The following TTC28 variants were observed in gnomAD, a reference collection of about 807,000 sequenced individuals.
TTC28 encodes tetratricopeptide repeat domain 28, also known as tetratricopeptide repeat protein 28.
Under a neutral mutation model 198.0 loss-of-function variants are expected in TTC28, and 61 were observed. The ratio of observed to expected loss-of-function variants is 0.31; its 90% CI spans 0.25 to 0.38. TTC28 has a LOEUF of 0.38. Ranked by LOEUF, TTC28 falls within the 10% of genes least tolerant of loss-of-function variation. TTC28 has a pLI of 1.00. For synonymous variants in TTC28, 1,171 were observed against 1,297.8 expected (o/e 0.90, Z 2.10); for missense variants, 2,678 against 3,164.0 (o/e 0.85, Z 3.69).
chr22:28,508,586 A>G (rs1297430512), intron 2 of TTC28, among the ~76,000 whole-genome samples: 1 of 152,146 alleles, frequency 6.6e-6, no homozygotes, highest in Admixed American at 6.6e-5. Flanking sequence ...TGCCCAGCCC[A>G]CAAAACACAC....
chr22:28,365,281 G>A (rs544878461), intron 2 of TTC28, among the ~76,000 whole-genome samples: 2 of 152,170 alleles, frequency 1.3e-5, no homozygotes, highest in Admixed American at 1.3e-4. Flanking sequence ...ACATTACAGT[G>A]TAAACATAAC....
intron 2 of TTC28, among the ~76,000 whole-genome samples, chr22:28,368,631 T>C (rs2046283763): frequency 6.6e-6 from 1 of 152,062 alleles, no homozygotes; most frequent in Non-Finnish European, 1.5e-5. Flanking sequence ...TGATATGATC[T>C]TATGTTTGGA....
intron 2 of TTC28, among the ~76,000 whole-genome samples, chr22:28,454,964 C>T (rs1402706364): frequency 1.3e-5 from 2 of 152,132 alleles, no homozygotes; most frequent in East Asian, 3.9e-4. Context: ...GCTTTTTCTT[C>T]GTATTTCAAA....
intron 2 of TTC28, among the ~76,000 whole-genome samples, chr22:28,340,328 T>C (rs182932630): frequency 1.3e-3 from 195 of 152,234 alleles, no homozygotes; most frequent in African/African-American, 4.3e-3. Context: ...TAATTATTTA[T>C]AGAGTGGGTA....
At chr22:28,594,844 C>T (rs1164882466) in intron 2 of TTC28, among the ~76,000 whole-genome samples, 2 of 152,166 alleles carry the variant, frequency 1.3e-5, no homozygotes, top group Admixed American at 6.5e-5. Flanking sequence ...TGTTAAATTG[C>T]CACTAATCAC....
chr22:28,603,536 T>C (rs34323251), intron 2 of TTC28, among the ~76,000 whole-genome samples: 209 of 152,246 alleles, frequency 1.4e-3, no homozygotes, highest in Non-Finnish European at 2.2e-3. Flanking sequence ...TACAGCTACA[T>C]GCCACCATAC....
At chr22:28,175,733 C>A (rs1450359709) in intron 5 of TTC28, among the ~76,000 whole-genome samples, 4 of 149,116 alleles carry the variant, frequency 2.7e-5, no homozygotes, top group Non-Finnish European at 5.9e-5. Flanking sequence ...AACTCTGTCT[C>A]AAAAAAAAAT....
At chr22:28,062,656 T>C (rs953181476) in intron 12 of TTC28, among the ~76,000 whole-genome samples, 1 of 152,060 alleles carries the variant, frequency 6.6e-6, no homozygotes, top group African/African-American at 2.4e-5. Flanking sequence ...TTTCTATTGA[T>C]CTATAAGTTC....
chr22:28,394,585 A>G (rs1456409375), intron 2 of TTC28, among the ~76,000 whole-genome samples: 1 of 152,198 alleles, frequency 6.6e-6, no homozygotes, highest in African/African-American at 2.4e-5. Flanking sequence ...CTAATCTGCA[A>G]CAACATCCGT....
At chr22:28,238,539 T>C (rs959321640) in intron 5 of TTC28, among the ~76,000 whole-genome samples, 1 of 152,190 alleles carries the variant, frequency 6.6e-6, no homozygotes, top group East Asian at 1.9e-4. Flanking sequence ...ATCATCTGTG[T>C]CATTTACTTG....
At chr22:28,337,481 C>T (rs955398132) in intron 2 of TTC28, among the ~76,000 whole-genome samples, 6 of 152,112 alleles carry the variant, frequency 3.9e-5, no homozygotes, top group African/African-American at 1.4e-4. Context: ...GTCTAAGTCT[C>T]TTTGTAGGTC....
Position 28,163,196 on chromosome 22 carries a change from C to T in TTC28, c.1337G>A (p.Cys446Tyr), listed in dbSNP as rs375337469. The T allele has an allele frequency of 6.2e-5, 96 of 1,551,656 alleles. No homozygotes were observed. Among genetic ancestry groups the T allele is most frequent in the Non-Finnish European group, 7.2e-5 (83 of 1,147,020 alleles). ...TTTAGCTCTCTCCAAATCCTGCATGCACCTGGCAGCATGGCCTAGTCCAGC... is the reference window on the plus strand; with the variant it reads ...TTTAGCTCTCTCCAAATCCTGCATGTACCTGGCAGCATGGCCTAGTCCAGC... ...AYAGLGHAARCMQDLERAKQY... is the reference protein window; with the variant it reads ...AYAGLGHAARYMQDLERAKQY... The change falls in exon 6 of 23, where the codon TGC becomes TAC. Residue 446 changes from cysteine (C) to tyrosine (Y), a missense_variant. This residue lies in a region of TTC28 where 775 missense variants were observed against 845.9 expected (regional missense o/e 0.92). Coordinates refer to ENST00000397906, the MANE Select transcript of TTC28 (RefSeq NM_001145418.2).
intron 2 of TTC28, among the ~76,000 whole-genome samples, chr22:28,428,493 A>G (rs572192251): frequency 6.6e-6 from 1 of 151,962 alleles, no homozygotes; most frequent in African/African-American, 2.4e-5. Context: ...ATTGTACTGT[A>G]TTGCAATAAT....
chr22:28,016,391 C>G (rs963711597), intron 13 of TTC28, among the ~76,000 whole-genome samples: 1 of 152,236 alleles, frequency 6.6e-6, no homozygotes, highest in East Asian at 1.9e-4. Flanking sequence ...GTGTCTGTCA[C>G]GGCACTGTTG....
intron 21 of TTC28, chr22:27,985,639 C>T (rs912806064): frequency 6.6e-6 from 2 of 302,030 alleles, no homozygotes; most frequent in Non-Finnish European, 1.3e-5. Flanking sequence ...CACTATGGAC[C>T]AGAACTCAGT....
intron 2 of TTC28, among the ~76,000 whole-genome samples, chr22:28,375,911 GACTT>G (rs1444722141): frequency 3.9e-5 from 6 of 152,164 alleles, no homozygotes; most frequent in Admixed American, 1.3e-4. Flanking sequence ...GGAATTCCAG[GACTT>G]ACTTACACCA....
At chr22:28,445,408 AG>A (rs1482473357) in intron 2 of TTC28, among the ~76,000 whole-genome samples, 1 of 152,248 alleles carries the variant, frequency 6.6e-6, no homozygotes, top group Admixed American at 6.5e-5. Flanking sequence ...GGAATTACCA[AG>A]GATAAATCAT....
chr22:28,326,991 C>G (rs1330707135), intron 2 of TTC28, among the ~76,000 whole-genome samples: 1 of 151,452 alleles, frequency 6.6e-6, no homozygotes, highest in Non-Finnish European at 1.5e-5. Flanking sequence ...CACACACACA[C>G]ACACACACAC....
At chr22:28,489,071 GC>G (rs2048344166) in intron 2 of TTC28, among the ~76,000 whole-genome samples, 1 of 152,050 alleles carries the variant, frequency 6.6e-6, no homozygotes. Flanking sequence ...AATGCTTGAA[GC>G]CAGGAGCTTG....
Sources: gnomAD v4.1 joint callset for allele counts (sites outside exome capture counted in the v4.1 genomes callset) on GRCh38, gnomAD v4.1.1 for gene constraint, gnomAD v4.1.1 regional missense constraint, MANE v1.5 for transcripts, NCBI Gene and HGNC (gene_info 2026-07-23, HGNC 2026-07-21) for gene names.